PCSK2: variants seen among roughly 807,000 people sequenced by gnomAD.
The protein encoded by PCSK2 is neuroendocrine convertase 2.
Under a neutral mutation model 69.7 loss-of-function variants are expected in PCSK2, and 14 were observed. That is an observed-to-expected ratio of 0.20 (90% CI 0.13 to 0.31). The LOEUF is 0.31. Among genes scored for constraint, PCSK2 ranks in the 10% least tolerant of loss-of-function variants. The pLI is 1.00. For synonymous variants in PCSK2, 307 were observed against 320.7 expected (o/e 0.96, Z 0.46); for missense variants, 544 against 842.5 (o/e 0.65, Z 4.39).
chr20:17,239,292 C>T (rs1344977501), intron 1 of PCSK2, among the ~76,000 whole-genome samples: 2 of 152,162 alleles, frequency 1.3e-5, no homozygotes, highest in South Asian at 2.1e-4. Flanking sequence ...AGGTAGTTGA[C>T]ATCCAAGAGT....
intron 4 of PCSK2, among the ~76,000 whole-genome samples, chr20:17,362,291 G>GC (rs1300098726): frequency 6.6e-6 from 1 of 152,162 alleles, no homozygotes; most frequent in Non-Finnish European, 1.5e-5. Flanking sequence ...AGTAAACTCT[G>GC]CCCCCCAATT....
intron 6 of PCSK2, among the ~76,000 whole-genome samples, chr20:17,421,203 GATCT>G (rs1187238183): frequency 2.0e-5 from 3 of 152,182 alleles, no homozygotes; most frequent in Non-Finnish European, 4.4e-5. Context: ...AAACAAAGTT[GATCT>G]ATTAGGAAAT....
intron 9 of PCSK2, 148 bp downstream of exon 9, chr20:17,454,105 G>A (rs2032876508): frequency 8.9e-7 from 1 of 1,128,386 alleles, no homozygotes; most frequent in Non-Finnish European, 1.2e-6. Flanking sequence ...TTTTCTCTAT[G>A]CCCAGTCCTG....
chr20:17,453,990 A>C lies in PCSK2; in HGVS notation c.1101+33A>C, dbSNP rs2032875054. The C allele has an allele frequency of 1.9e-6, 3 of 1,612,144 alleles. No homozygotes were observed. In the East Asian group the frequency reaches 6.7e-5, roughly 36 times the overall value. ...CGTCCCCTTCTGTCCTTGTTTCCTT[A>C]GGGCCACTGCACCTCTGTGTCAGGG... is the stretch of plus-strand genomic sequence containing the variant. On this transcript the variant is annotated intron_variant, in intron 9 of 11. Transcript: ENST00000262545. The surrounding 1 kb of genome is among the most constrained non-coding windows in gnomAD (Gnocchi z 4.0).
chr20:17,324,326 C>G (rs990367916), intron 2 of PCSK2, among the ~76,000 whole-genome samples: 1 of 152,190 alleles, frequency 6.6e-6, no homozygotes, highest in Admixed American at 6.5e-5. Context: ...CTCTAGGTTT[C>G]TTAAGCAAGA....
intron 4 of PCSK2, among the ~76,000 whole-genome samples, chr20:17,368,058 C>T (rs1321214632): frequency 6.6e-6 from 1 of 152,020 alleles, no homozygotes; most frequent in Non-Finnish European, 1.5e-5. Flanking sequence ...TCCAGTTACT[C>T]ATTGTATAAC....
At chr20:17,361,952 T>G (rs968583223) in intron 4 of PCSK2, among the ~76,000 whole-genome samples, 1 of 152,160 alleles carries the variant, frequency 6.6e-6, no homozygotes, top group Non-Finnish European at 1.5e-5. Context: ...GCATCAGGAT[T>G]TGGGGAAAAC....
At chr20:17,445,083 G>T (rs116450040) in intron 8 of PCSK2, among the ~76,000 whole-genome samples, 1 of 152,178 alleles carries the variant, frequency 6.6e-6, no homozygotes, top group Non-Finnish European at 1.5e-5. Flanking sequence ...CTGAGACTTC[G>T]AGTCATCACT....
chr20:17,243,583 C>T (rs148068288), intron 1 of PCSK2, among the ~76,000 whole-genome samples: 265 of 152,306 alleles, frequency 1.7e-3, no homozygotes, highest in Non-Finnish European at 3.2e-3. Context: ...TGCTCAGAAA[C>T]ATGTGAGCAA....
chr20:17,378,677 TTAGATGGATGGA>T (rs767420120), intron 5 of PCSK2, among the ~76,000 whole-genome samples: 156 of 147,808 alleles, frequency 1.1e-3, no homozygotes, highest in Non-Finnish European at 7.7e-4. Flanking sequence ...GGATGGATGG[TTAGATGGATGGA>T]TAGATGGATG....
intron 2 of PCSK2, among the ~76,000 whole-genome samples, chr20:17,260,632 C>T (rs1297511926): frequency 6.6e-6 from 1 of 152,094 alleles, no homozygotes; most frequent in Non-Finnish European, 1.5e-5. Flanking sequence ...TTCGGGTTGC[C>T]TGGGAACATG....
At chr20:17,256,933 C>A (rs113075936) in intron 1 of PCSK2, among the ~76,000 whole-genome samples, 30 of 152,226 alleles carry the variant, frequency 2.0e-4, no homozygotes, top group African/African-American at 7.2e-4. Flanking sequence ...CATCCATGTC[C>A]CTGCAAAGGA....
chr20:17,311,599 C>T (rs76453085), intron 2 of PCSK2, among the ~76,000 whole-genome samples: 2,017 of 152,216 alleles, frequency 0.013, 21 homozygotes, highest in Middle Eastern at 0.037. Context: ...AGGCCAATTA[C>T]GTGCACGTTG....
At chr20:17,345,318 G>C (rs1238886926) in intron 2 of PCSK2, among the ~76,000 whole-genome samples, 1 of 152,128 alleles carries the variant, frequency 6.6e-6, no homozygotes, top group Admixed American at 6.5e-5. Context: ...GACATTTATA[G>C]TATGCTTCAT....
intron 2 of PCSK2, among the ~76,000 whole-genome samples, chr20:17,345,757 G>A (rs986938040): frequency 6.6e-6 from 1 of 152,098 alleles, no homozygotes; most frequent in East Asian, 1.9e-4. Flanking sequence ...CACACGGTTT[G>A]GGGCATAGTC....
Position 17,257,874 on chromosome 20 carries a change from A to G in PCSK2, c.178-2366A>G, listed in dbSNP as rs140209388. 5.4e-3 allele frequency among the ~76,000 whole-genome samples: 824 copies of G among 152,294 alleles called. 5 individuals are homozygous for G. The highest frequency in any genetic ancestry group is 0.019 in the African/African-American group (787 of 41,550). ...TAGAGCTTTGTAAAGCCTTCAATGGACATCTTATTCCCTAGATTCTTTTAC... is the reference window on the plus strand; with the variant it reads ...TAGAGCTTTGTAAAGCCTTCAATGGGCATCTTATTCCCTAGATTCTTTTAC... On this transcript the variant is annotated intron_variant, in intron 1 of 11. Transcript: ENST00000262545.
At chr20:17,287,715 G>C (rs62202209) in intron 2 of PCSK2, among the ~76,000 whole-genome samples, 1 of 152,190 alleles carries the variant, frequency 6.6e-6, no homozygotes, top group Non-Finnish European at 1.5e-5. Context: ...TTTCTCAGGA[G>C]AGCACCAATC....
rs568934923 is a variant in PCSK2 at position 17,285,011 on chromosome 20, AT to A, written c.282+24668del. ...CTTAAACAAAAGTCTTGTGATTTTA[AT>A]GTCAGAGATCTTATCTATAGGAACA... On this transcript the variant is annotated intron_variant, in intron 2 of 11. Transcript: ENST00000262545. Among the ~76,000 whole-genome samples, 634 of 152,330 alleles carry A rather than the reference AT, an allele frequency of 4.2e-3. 7 individuals carry two copies. The highest frequency in any genetic ancestry group is 0.014 in the African/African-American group (579 of 41,580).
At chr20:17,321,607 C>A (rs1332443465) in intron 2 of PCSK2, among the ~76,000 whole-genome samples, 2 of 152,168 alleles carry the variant, frequency 1.3e-5, no homozygotes, top group African/African-American at 4.8e-5. Flanking sequence ...TGCTCTGATC[C>A]TACAGGGAGA....
Sources: allele counts gnomAD v4.1 joint callset (sites outside exome capture counted in the v4.1 genomes callset), GRCh38; gene constraint gnomAD v4.1.1; non-coding constraint Gnocchi (gnomAD v3.1); transcripts MANE v1.5; gene names NCBI Gene and HGNC (gene_info 2026-07-23, HGNC 2026-07-21).